Variants in LRIG2 observed in about 807,000 individuals in gnomAD.
The protein encoded by LRIG2 is leucine-rich repeats and immunoglobulin-like domains protein 2.
Under a neutral mutation model 107.8 loss-of-function variants are expected in LRIG2, and 93 were observed. The observed-to-expected ratio is 0.86, with a 90% confidence interval of 0.73 to 1.03. LRIG2 has a LOEUF of 1.03. Among genes scored for constraint, LRIG2 ranks in the 50% least tolerant of loss-of-function variants. LRIG2 has a pLI of 0.00. For missense variants in LRIG2, 1,226 were observed against 1,296.0 expected (o/e 0.95, Z 0.83); for synonymous variants, 471 against 470.6 (o/e 1.00, Z -0.01).
intron 11 of LRIG2, among the ~76,000 whole-genome samples, chr1:113,101,893 C>T (rs2101044959): frequency 6.6e-6 from 1 of 152,234 alleles, no homozygotes; most frequent in East Asian, 1.9e-4. Context: ...AAGACAGAGT[C>T]TCTGTACTCA....
chr1:113,114,465 G>A lies in LRIG2; in HGVS notation c.2119G>A (p.Val707Ile). The change falls in exon 15 of 18, where the codon GTA becomes ATA. Residue 707 changes from valine (V) to isoleucine (I), a missense_variant. Physicochemically the swap from Val to Ile is conservative, Grantham distance 29. Around this residue, in one of 3 missense-constraint regions of LRIG2, gnomAD observed 642 missense variants for 712.2 expected, o/e 0.90. Coordinates refer to ENST00000361127, the MANE Select transcript of LRIG2 (RefSeq NM_014813.3). ...TATTAGACCCCTGGAGGATAAGACA[G>A]TAACACGAGGTGAAACTGCGGTGTT... ...SFIRPLEDKTVTRGETAVLQC... is the reference protein window; with the variant it reads ...SFIRPLEDKTITRGETAVLQC... 1 of 1,612,864 alleles carries A rather than the reference G, an allele frequency of 6.2e-7. No individual in the cohort carries two copies. The highest frequency in any genetic ancestry group is 8.5e-7 in the Non-Finnish European group (1 of 1,179,690).
At chr1:113,118,212 C>G (rs1412207747) in intron 16 of LRIG2, among the ~76,000 whole-genome samples, 1 of 152,210 alleles carries the variant, frequency 6.6e-6, no homozygotes, top group East Asian at 1.9e-4. Flanking sequence ...AGCCACTGCT[C>G]CTGGCCTGTT....
intron 4 of LRIG2, 116 bp downstream of exon 4, chr1:113,093,680 G>A (rs1292767075): frequency 7.2e-6 from 4 of 556,584 alleles, no homozygotes; most frequent in Non-Finnish European, 1.2e-5. Context: ...GCTAGATGAC[G>A]AGTTAGTGGG....
At position 113,125,498 on chromosome 1, in the gene LRIG2, T is replaced by A. The variant is rs1302565930; in HGVS notation, c.*1397T>A. 1 of 152,182 alleles carries A rather than the reference T, an allele frequency of 6.6e-6. No homozygotes were observed. The highest frequency in any genetic ancestry group is 1.9e-4 in the East Asian group (1 of 5,198). 9.4% of individuals were successfully genotyped at this position (152,182 alleles called of 1,614,324 possible). ...TTTTTTTACTGAAACAGAAATTGAT[T>A]GAGGAAGGTTCAGTCATTCCTTCAG... On this transcript the variant is annotated 3_prime_UTR_variant, in exon 18 of 18. Transcript: ENST00000361127.
At chr1:113,103,690 T>G (rs1654402602) in intron 11 of LRIG2, 1 of 153,614 alleles carries the variant, frequency 6.5e-6, no homozygotes, top group African/African-American at 2.4e-5. Context: ...TGTGCACCTT[T>G]GAAGCCATTG....
chr1:113,103,610 T>TA (rs1393554009), intron 11 of LRIG2: 1 of 153,992 alleles, frequency 6.5e-6, no homozygotes, highest in African/African-American at 2.4e-5. Context: ...ATTTAACAGT[T>TA]ACGGTGCTGT....
At position 113,123,950 on chromosome 1, in the gene LRIG2, T is replaced by TCC. The variant is rs750873076; in HGVS notation, c.3048_3049dup (p.His1017ProfsTer65). ...CATCCTCCTTTTTCCCAGCAGCCAGTCCATGAGTCACCACAACTTCATCAA... is the reference window on the plus strand; with the variant it reads ...CATCCTCCTTTTTCCCAGCAGCCAGTCCCCATGAGTCACCACAACTTCATCAA... On this transcript the variant is annotated frameshift_variant, in exon 18 of 18. Coordinates refer to ENST00000361127, the MANE Select transcript of LRIG2 (RefSeq NM_014813.3). LOFTEE classifies it high-confidence loss of function. The TCC allele has an allele frequency of 9.9e-6, 16 of 1,613,952 alleles. No homozygotes were observed. Among genetic ancestry groups the TCC allele is most frequent in the Non-Finnish European group, 1.3e-5 (15 of 1,180,022 alleles).
intron 11 of LRIG2, among the ~76,000 whole-genome samples, chr1:113,101,613 TAA>T (rs1654313110): frequency 6.6e-6 from 1 of 152,238 alleles, no homozygotes; most frequent in Admixed American, 6.5e-5. Context: ...ATTGGAAATT[TAA>T]AAGACTGGTC....
intron 1 of LRIG2, among the ~76,000 whole-genome samples, chr1:113,087,259 TGA>T (rs1474478135): frequency 6.6e-6 from 1 of 152,236 alleles, no homozygotes; most frequent in East Asian, 1.9e-4. Context: ...GGAAGAACAG[TGA>T]GAGACTTCAA....
At chr1:113,100,007 A>G (rs889545365) in intron 9 of LRIG2, among the ~76,000 whole-genome samples, 1 of 152,216 alleles carries the variant, frequency 6.6e-6, no homozygotes, top group African/African-American at 2.4e-5. Context: ...ATTAAATTTC[A>G]TAACTTTCTT....
intron 15 of LRIG2, among the ~76,000 whole-genome samples, chr1:113,115,239 G>A (rs1453084657): frequency 6.6e-6 from 1 of 152,242 alleles, no homozygotes; most frequent in Non-Finnish European, 1.5e-5. Flanking sequence ...ATTTGAGATA[G>A]GGTGTTACTG....
At chr1:113,114,313 T>G in intron 14 of LRIG2, 114 bp from the exon 15 acceptor site, 1 of 638,940 alleles carries the variant, frequency 1.6e-6, no homozygotes, top group Non-Finnish European at 2.7e-6. Context: ...AATCCTCCCA[T>G]GAGTATATAA....
chr1:113,091,499 G>C (rs11102586), intron 2 of LRIG2, 116 bp downstream of exon 2: 8,726 of 613,558 alleles, frequency 0.014, 93 homozygotes, highest in Non-Finnish European at 0.016. Flanking sequence ...GAAAAAATTA[G>C]TTAAAAGAAA....
chr1:113,100,011 C>T (rs1284338962), intron 9 of LRIG2, among the ~76,000 whole-genome samples, 200 bp from the exon 10 acceptor site: 1 of 152,128 alleles, frequency 6.6e-6, no homozygotes, highest in Admixed American at 6.6e-5. Flanking sequence ...AATTTCATAA[C>T]TTTCTTAAAA....
intron 17 of LRIG2, among the ~76,000 whole-genome samples, chr1:113,122,567 C>T (rs912405138): frequency 4.6e-5 from 7 of 152,136 alleles, no homozygotes; most frequent in African/African-American, 1.7e-4. Context: ...TAAGAAGGAC[C>T]AGAAATGTAG....
rs540955873 is a variant in LRIG2, at chr1:113,090,681, C to CA, written c.240-630dup. On this transcript the variant is annotated intron_variant, in intron 1 of 17. Transcript: ENST00000361127. ...TGAAACCCCGTCTCTACTAAAAATA[C>CA]AAAAAAATTAGCCGGGCGTGGTGGC... Among the ~76,000 whole-genome samples the CA allele has an allele frequency of 2.2e-3, 324 of 150,686 alleles. 1 individual carries two copies. The highest frequency in any genetic ancestry group is 6.9e-3 in the Middle Eastern group (2 of 288).
At chr1:113,085,467 A>G (rs1435512732) in intron 1 of LRIG2, among the ~76,000 whole-genome samples, 1 of 152,176 alleles carries the variant, frequency 6.6e-6, no homozygotes, top group African/African-American at 2.4e-5. Flanking sequence ...TATTTTTAGT[A>G]GAGACGGGGT....
chr1:113,084,829 G>A (rs1037226550), intron 1 of LRIG2, among the ~76,000 whole-genome samples: 3 of 152,154 alleles, frequency 2.0e-5, no homozygotes, highest in Non-Finnish European at 4.4e-5. Context: ...TAAAGGCTTA[G>A]CAAAATGTTT....
In LRIG2 at chr1:113,130,811, A is replaced by G. The variant is rs573458770; in HGVS notation, c.*6710A>G. ...CTGACCTGTGTTCGTAGCTGGGAAC[A>G]TGAAACACAAAATTCTGGGTTTAAT... On this transcript the variant is annotated 3_prime_UTR_variant, in exon 18 of 18. Transcript: ENST00000361127. The G allele has an allele frequency of 4.6e-5, 7 of 152,364 alleles. No homozygotes were observed. Among genetic ancestry groups the G allele is most frequent in the Admixed American group, 1.3e-4 (2 of 15,304 alleles). The allele number at this position is 152,364 out of a possible 1,614,324, so 9.4% of individuals were successfully genotyped here. A position where few individuals can be genotyped will look rare whatever the true frequency, so the allele number is the denominator to read the frequency against.
Sources: allele counts gnomAD v4.1 joint callset (sites outside exome capture counted in the v4.1 genomes callset), GRCh38; gene constraint gnomAD v4.1.1; regional missense constraint gnomAD v4.1.1; transcripts MANE v1.5; gene names NCBI Gene and HGNC (gene_info 2026-07-23, HGNC 2026-07-21).